The following SLC24A2 variants were observed in gnomAD, a reference collection of about 807,000 sequenced individuals.
The protein encoded by SLC24A2 is solute carrier family 24 member 2, also known as sodium/potassium/calcium exchanger 2.
SLC24A2 carries 36 observed loss-of-function variants against 62.0 expected under a neutral mutation model. The observed-to-expected ratio is 0.58, with a 90% CI of 0.44 to 0.77. SLC24A2 has a LOEUF of 0.77. SLC24A2 is among the 30% of genes least tolerant of loss of function. The pLI, the probability that SLC24A2 is intolerant of heterozygous loss-of-function variation, is 0.00. For missense variants in SLC24A2, 846 were observed against 817.9 expected, an observed-to-expected ratio of 1.03 and a Z score of -0.42; for synonymous variants, 358 against 294.0, an observed-to-expected ratio of 1.22 and a Z score of -2.23.
the SLC24A2 span, among the ~76,000 whole-genome samples, chr9:20,277,751 A>G: frequency 6.6e-6 from 1 of 152,218 alleles, no homozygotes; most frequent in Non-Finnish European, 1.5e-5. Flanking sequence ...TACCCGAAGG[A>G]TTATAAAACA....
chr9:19,768,456 G>A (rs1288829378), intron 2 of SLC24A2, among the ~76,000 whole-genome samples: 1 of 152,076 alleles, frequency 6.6e-6, no homozygotes, highest in African/African-American at 2.4e-5. Context: ...CCTTATCAGA[G>A]GAGGATATGT....
chr9:19,920,964 A>C, the SLC24A2 span, among the ~76,000 whole-genome samples: 1 of 152,102 alleles, frequency 6.6e-6, no homozygotes, highest in Non-Finnish European at 1.5e-5. Context: ...TCTATAAAAT[A>C]AAGATAATCA....
the SLC24A2 span, among the ~76,000 whole-genome samples, chr9:20,228,071 A>G: frequency 6.6e-6 from 1 of 152,058 alleles, no homozygotes. Context: ...GCAAATCCTC[A>G]CCCCTTATAA....
intron 7 of SLC24A2, among the ~76,000 whole-genome samples, chr9:19,551,496 CTCCCT>C: frequency 6.6e-6 from 1 of 152,174 alleles, no homozygotes; most frequent in Admixed American, 6.5e-5. Context: ...TCATCAATCA[CTCCCT>C]TCCCTGCTTG....
chr9:19,826,467 C>G, the SLC24A2 span, among the ~76,000 whole-genome samples: 4 of 152,090 alleles, frequency 2.6e-5, no homozygotes, highest in African/African-American at 9.7e-5. Flanking sequence ...CAAAAAAATA[C>G]CCAAGACTGG....
the SLC24A2 span, among the ~76,000 whole-genome samples, chr9:19,984,382 C>T: frequency 7.2e-5 from 11 of 152,070 alleles, no homozygotes; most frequent in Non-Finnish European, 1.6e-4. Flanking sequence ...AAAGAACACA[C>T]AGACTAGTGA....
the SLC24A2 span, among the ~76,000 whole-genome samples, chr9:19,872,827 T>G: frequency 3.9e-5 from 6 of 152,176 alleles, no homozygotes; most frequent in Non-Finnish European, 5.9e-5. Context: ...CCTTATACCA[T>G]AGCAATTTCA....
chr9:20,266,599 C>G, the SLC24A2 span, among the ~76,000 whole-genome samples: 1 of 152,042 alleles, frequency 6.6e-6, no homozygotes, highest in Admixed American at 6.6e-5. Context: ...CAGGAAAATT[C>G]AGGGACACAC....
chr9:19,557,128 G>A (rs961000380), intron 7 of SLC24A2, among the ~76,000 whole-genome samples: 8 of 152,200 alleles, frequency 5.3e-5, no homozygotes, highest in African/African-American at 1.7e-4. Context: ...TAACCCCTAA[G>A]TCCCAGCTTA....
intron 2 of SLC24A2, among the ~76,000 whole-genome samples, chr9:19,673,647 G>A (rs891173350): frequency 6.6e-5 from 10 of 152,146 alleles, no homozygotes; most frequent in African/African-American, 1.4e-4. Flanking sequence ...ATGCAGTTTC[G>A]CTATGTTGGT....
the SLC24A2 span, among the ~76,000 whole-genome samples, chr9:19,917,802 T>C: frequency 4.6e-5 from 7 of 152,256 alleles, no homozygotes; most frequent in East Asian, 1.3e-3. Context: ...AGTTATTACG[T>C]TGTCTCTTCA....
At chr9:20,086,331 G>T in the SLC24A2 span, among the ~76,000 whole-genome samples, 1 of 152,116 alleles carries the variant, frequency 6.6e-6, no homozygotes, top group Admixed American at 6.5e-5. Flanking sequence ...GCTCAGGGCT[G>T]CTCACCCCCG....
chr9:19,545,894 C>A (rs1278432120), intron 8 of SLC24A2, among the ~76,000 whole-genome samples: 1 of 152,164 alleles, frequency 6.6e-6, no homozygotes, highest in Non-Finnish European at 1.5e-5. Context: ...TCCTCGGCCT[C>A]CCAGAGTGCT....
At chr9:19,891,394 A>G in the SLC24A2 span, among the ~76,000 whole-genome samples, 6 of 152,174 alleles carry the variant, frequency 3.9e-5, no homozygotes, top group African/African-American at 1.4e-4. Flanking sequence ...GTTGCTATAC[A>G]AGAAACTCTG....
At chr9:20,143,129 G>A in the SLC24A2 span, among the ~76,000 whole-genome samples, 3 of 152,150 alleles carry the variant, frequency 2.0e-5, no homozygotes, top group Non-Finnish European at 4.4e-5. Flanking sequence ...TGCACAAAAT[G>A]GCAGCCTTTA....
chr9:20,094,973 G>GAAAAAGCTATT, the SLC24A2 span, among the ~76,000 whole-genome samples: 8 of 152,042 alleles, frequency 5.3e-5, no homozygotes, highest in African/African-American at 1.9e-4. Context: ...ATAATTATCT[G>GAAAAAGCTATT]AAAAAGCTAT....
the SLC24A2 span, among the ~76,000 whole-genome samples, chr9:19,908,045 G>T: frequency 6.6e-5 from 10 of 152,132 alleles, no homozygotes; most frequent in Admixed American, 5.9e-4. Flanking sequence ...TAAGCCAAAA[G>T]AACAAAGCTG....
At chr9:19,793,023 G>A (rs552221540), upstream of SLC24A2, among the ~76,000 whole-genome samples, 1 of 152,246 alleles carries the variant, frequency 6.6e-6, no homozygotes, top group South Asian at 2.1e-4. Context: ...TGTGAGCCCC[G>A]TGAGAACAAA....
chr9:19,752,183 G>A (rs767390001), intron 2 of SLC24A2, among the ~76,000 whole-genome samples: 8 of 152,114 alleles, frequency 5.3e-5, no homozygotes, highest in Non-Finnish European at 1.0e-4. Flanking sequence ...GAGAAGAGGT[G>A]CAGAAAGAAT....
Sources: gnomAD v4.1 joint callset for allele counts (sites outside exome capture counted in the v4.1 genomes callset) on GRCh38, gnomAD v4.1.1 for gene constraint, MANE v1.5 for transcripts, NCBI Gene and HGNC (gene_info 2026-07-23, HGNC 2026-07-21) for gene names.